The following RTN1 variants were observed in gnomAD, a reference collection of about 807,000 sequenced individuals.
RTN1 encodes the protein reticulon-1.
RTN1 carries 25 observed loss-of-function variants against 65.5 expected under a neutral mutation model. That is an observed-to-expected ratio of 0.38 (90% CI 0.28 to 0.53). The LOEUF (loss-of-function observed/expected upper bound fraction) is 0.53. Ranked by LOEUF, RTN1 falls within the 20% of genes least tolerant of loss-of-function variation. The pLI is 0.79. For missense variants in RTN1, 983 were observed against 1,025.4 expected (o/e 0.96, Z 0.57); for synonymous variants, 471 against 447.6 (o/e 1.05, Z -0.66).
At chr14:59,602,957 C>A in intron 8 of RTN1, 108 bp downstream of exon 8, 2 of 753,670 alleles carry the variant, frequency 2.7e-6, no homozygotes, top group South Asian at 2.1e-5. Context: ...AGTGAATGAC[C>A]ATAAATCAAT....
chr14:59,727,219 G>T lies in RTN1; in HGVS notation c.1465C>A (p.Pro489Thr). The change falls in exon 3 of 9, where the codon CCG becomes ACG. Residue 489 changes from proline (P) to threonine (T), a missense_variant. Pro to Thr is a conservative substitution (Grantham distance 38). This residue lies in a region of RTN1 where 818 missense variants were observed against 801.8 expected (regional missense o/e 1.02). Coordinates refer to ENST00000267484, the MANE Select transcript of RTN1 (RefSeq NM_021136.3). This position sits in a 1 kb window ranked among gnomAD's most constrained non-coding sequence, Gnocchi z 4.2. ...ESPKREQDSP[P>T]MKPSALDAIR... ...GCATCCAGGGCGCTGGGCTTCATCG[G>T]GGGTGAGTCCTGCTCCCGCTTGGGG... is the stretch of plus-strand genomic sequence containing the variant. 1.3e-6 allele frequency: 2 copies of T among 1,569,680 alleles called. No individual in the cohort carries two copies. Among genetic ancestry groups the T allele is most frequent in the South Asian group, 2.4e-5 (2 of 85,054 alleles).
At chr14:59,630,899 G>C in intron 3 of RTN1, 12 of 946,494 alleles carry the variant, frequency 1.3e-5, no homozygotes, top group Non-Finnish European at 1.5e-5. Context: ...AGAGGAGGAG[G>C]ACTTGGGCTG....
chr14:59,799,486 AT>A (rs1886499536), intron 1 of RTN1, among the ~76,000 whole-genome samples: 1 of 152,232 alleles, frequency 6.6e-6, no homozygotes, highest in South Asian at 2.1e-4. Context: ...CCCTAGAGAG[AT>A]GGGACACATG....
At chr14:59,745,654 T>C in intron 2 of RTN1, 54 bp downstream of exon 2, 1 of 1,436,046 alleles carries the variant, frequency 7.0e-7, no homozygotes, top group Non-Finnish European at 9.4e-7. Flanking sequence ...GTTTTAGGGA[T>C]TGAGATTTCC....
At position 59,749,446 on chromosome 14, in the gene RTN1, A is replaced by ATATATATC. The variant is rs1483402739; in HGVS notation, c.242-2973_242-2966dup. On this transcript the variant is annotated intron_variant, in intron 1 of 8. Coordinates refer to ENST00000267484, the MANE Select transcript of RTN1 (RefSeq NM_021136.3). Reference sequence around the variant, plus strand: ...TATATATCTATATATATCTATATCTATATATATCTATATATATCTAATCTA... The same window carrying ATATATATC: ...TATATATCTATATATATCTATATCTATATATATCTATATATCTATATATATCTAATCTA... 2.0e-5 allele frequency among the ~76,000 whole-genome samples: 2 copies of ATATATATC among 101,258 alleles called. 1 individual carries two copies. Among genetic ancestry groups the ATATATATC allele is most frequent in the African/African-American group, 8.4e-5 (2 of 23,736 alleles). 66.4% of individuals were successfully genotyped at this position (101,258 alleles called of 152,430 possible).
chr14:59,667,688 C>T (rs1158200148), intron 3 of RTN1, among the ~76,000 whole-genome samples: 1 of 152,166 alleles, frequency 6.6e-6, no homozygotes, highest in African/African-American at 2.4e-5. Context: ...TTGCAGATGA[C>T]ATGACTGTAT....
At position 59,749,713 on chromosome 14, in the gene RTN1, ATATT is replaced by A. The variant is rs1363661563; in HGVS notation, c.242-3236_242-3233del. Among the ~76,000 whole-genome samples the A allele has an allele frequency of 2.3e-5, 2 of 88,144 alleles. 1 individual carries two copies. The highest frequency in any genetic ancestry group is 3.9e-5 in the Non-Finnish European group (2 of 51,530). 57.8% of individuals were successfully genotyped at this position (88,144 alleles called of 152,430 possible). ...TACATATATATCTATATATATCTATATATTTATATATCTATATATTTATATATAT... is the reference window on the plus strand; with the variant it reads ...TACATATATATCTATATATATCTATATATATATCTATATATTTATATATAT... On this transcript the variant is annotated intron_variant, in intron 1 of 8. Transcript: ENST00000267484.
chr14:59,819,611 C>T (rs186249518), intron 1 of RTN1, among the ~76,000 whole-genome samples: 1 of 152,116 alleles, frequency 6.6e-6, no homozygotes, highest in East Asian at 1.9e-4. Flanking sequence ...TGTTGTCAGC[C>T]CTTGGGCGGT....
chr14:59,632,137 T>C (rs756696048), intron 3 of RTN1, among the ~76,000 whole-genome samples: 8 of 152,204 alleles, frequency 5.3e-5, no homozygotes, highest in Non-Finnish European at 1.0e-4. Context: ...CAGCTGGGCC[T>C]CTCTGCGTAT....
chr14:59,829,340 A>G lies in RTN1; in HGVS notation c.241+41050T>C, dbSNP rs557626113. Among the ~76,000 whole-genome samples, 1 of 152,280 alleles carries G rather than the reference A, an allele frequency of 6.6e-6. No individual in the cohort carries two copies. The highest frequency in any genetic ancestry group is 2.4e-5 in the African/African-American group (1 of 41,552). ...GAATCAAAATGTGATGGGTGTTTGG[A>G]GGAGTTTCATGCCCCTGTAATTAAG... On this transcript the variant is annotated intron_variant, in intron 1 of 8. Coordinates refer to ENST00000267484, the MANE Select transcript of RTN1 (RefSeq NM_021136.3). The surrounding 1 kb of genome is among the most constrained non-coding windows in gnomAD (Gnocchi z 4.3).
intron 3 of RTN1, among the ~76,000 whole-genome samples, chr14:59,632,665 G>A (rs753067910): frequency 1.3e-5 from 2 of 152,154 alleles, no homozygotes; most frequent in Non-Finnish European, 2.9e-5. Context: ...AGCGTGTACT[G>A]CCAATCTGAC....
chr14:59,869,572 T>A (rs1887855299), intron 1 of RTN1, among the ~76,000 whole-genome samples: 1 of 55,060 alleles, frequency 1.8e-5, no homozygotes, highest in African/African-American at 8.7e-5. Context: ...CAGGGCAATT[T>A]CCGGGGTGGG....
At chr14:59,732,037 T>C (rs1465224181) in intron 2 of RTN1, among the ~76,000 whole-genome samples, 1 of 152,200 alleles carries the variant, frequency 6.6e-6, no homozygotes, top group Non-Finnish European at 1.5e-5. Flanking sequence ...TAGAGAAACT[T>C]AGAGGAGGTC....
At chr14:59,702,541 T>G (rs1223984145) in intron 3 of RTN1, among the ~76,000 whole-genome samples, 1 of 152,188 alleles carries the variant, frequency 6.6e-6, no homozygotes, top group Non-Finnish European at 1.5e-5. Context: ...CCCAAAACTG[T>G]GGAGTCATCG....
rs1464720673 is a variant in RTN1, at chr14:59,868,495, C to G, written c.241+1895G>C. ...ATGCATTGTTATTTACTACAGCCAC[C>G]TTTCTGTAACAATGCACTGTACATT... On this transcript the variant is annotated intron_variant, in intron 1 of 8. Coordinates refer to ENST00000267484, the MANE Select transcript of RTN1 (RefSeq NM_021136.3). This position sits in a 1 kb window ranked among gnomAD's most constrained non-coding sequence, Gnocchi z 4.0. Among the ~76,000 whole-genome samples, 1 of 152,016 alleles carries G rather than the reference C, an allele frequency of 6.6e-6. No homozygotes were observed. Among genetic ancestry groups the G allele is most frequent in the African/African-American group, 2.4e-5 (1 of 41,364 alleles).
chr14:59,761,005 T>C (rs968090472), intron 1 of RTN1, among the ~76,000 whole-genome samples: 2 of 152,254 alleles, frequency 1.3e-5, no homozygotes, highest in Admixed American at 6.5e-5. Context: ...TTACATTTCC[T>C]ATTTTTATTC....
intron 3 of RTN1, among the ~76,000 whole-genome samples, chr14:59,639,749 G>A (rs1594647382): frequency 6.6e-6 from 1 of 152,104 alleles, no homozygotes; most frequent in African/African-American, 2.4e-5. Context: ...AACAGATATT[G>A]AATTTTATCA....
At position 59,712,523 on chromosome 14, in the gene RTN1, A is replaced by G. The variant is rs146338721; in HGVS notation, c.1765+14396T>C. On this transcript the variant is annotated intron_variant, in intron 3 of 8. Coordinates refer to ENST00000267484, the MANE Select transcript of RTN1 (RefSeq NM_021136.3). Reference sequence around the variant, plus strand: ...GTGAGATCAATTCAACTTCCGATAAATTGTTGGAAAGCAGTCAATCAAACT... The same window carrying G: ...GTGAGATCAATTCAACTTCCGATAAGTTGTTGGAAAGCAGTCAATCAAACT... Among the ~76,000 whole-genome samples, 927 of 152,340 alleles carry G rather than the reference A, an allele frequency of 6.1e-3. 5 individuals carry two copies. Among genetic ancestry groups the G allele is most frequent in the Admixed American group, 0.018 (281 of 15,302 alleles).
Position 59,723,521 on chromosome 14 carries a change from A to G in RTN1, c.1765+3398T>C, listed in dbSNP as rs573712605. 2.0e-4 allele frequency among the ~76,000 whole-genome samples: 31 copies of G among 152,086 alleles called. No individual in the cohort carries two copies. In the South Asian group the frequency reaches 6.0e-3, roughly 30 times the overall value. Reference sequence around the variant, plus strand: ...AGTCCCAGCTACTCGGGAGGCTGAGACAGTAGAATGGCGTGAACCTGGGAG... The same window carrying G: ...AGTCCCAGCTACTCGGGAGGCTGAGGCAGTAGAATGGCGTGAACCTGGGAG... On this transcript the variant is annotated intron_variant, in intron 3 of 8. Transcript: ENST00000267484.
Sources: allele counts gnomAD v4.1 joint callset (sites outside exome capture counted in the v4.1 genomes callset), GRCh38; gene constraint gnomAD v4.1.1; regional missense constraint gnomAD v4.1.1; non-coding constraint Gnocchi (gnomAD v3.1); transcripts MANE v1.5; gene names NCBI Gene and HGNC (gene_info 2026-07-23, HGNC 2026-07-21).